The following KIF15 variants were observed in gnomAD, a reference collection of about 807,000 sequenced individuals.
KIF15 encodes the protein kinesin-like protein KIF15.
In KIF15, 140 loss-of-function variants were observed where a neutral mutation model predicts 190.6. The observed-to-expected ratio is 0.73, with a 90% confidence interval of 0.64 to 0.84. The LOEUF (loss-of-function observed/expected upper bound fraction) is 0.84. Ranked by LOEUF, KIF15 falls within the 40% of genes least tolerant of loss-of-function variation. The pLI is 0.00. For synonymous variants in KIF15, 528 were observed against 551.3 expected, an observed-to-expected ratio of 0.96 and a Z score of 0.59; for missense variants, 1,372 against 1,584.4, an observed-to-expected ratio of 0.87 and a Z score of 2.28.
intron 22 of KIF15, 189 bp from the exon 23 acceptor site, chr3:44,827,270 A>G: frequency 1.9e-6 from 1 of 539,672 alleles, no homozygotes; most frequent in Non-Finnish European, 3.4e-6. Flanking sequence ...TCATGGCACA[A>G]AAATGGGTTC....
chr3:44,799,389 C>T (rs1031562310), intron 10 of KIF15: 3 of 455,874 alleles, frequency 6.6e-6, no homozygotes, highest in East Asian at 1.4e-4. Flanking sequence ...ATTGGGCTTA[C>T]AGCGAGAATA....
intron 26 of KIF15, among the ~76,000 whole-genome samples, chr3:44,836,055 A>C (rs1698293045): frequency 6.6e-6 from 1 of 152,114 alleles, no homozygotes; most frequent in Non-Finnish European, 1.5e-5. Flanking sequence ...CTCTGAAAAA[A>C]CAAAAGGAGG....
At chr3:44,766,286 T>C (rs1279462259) in intron 1 of KIF15, among the ~76,000 whole-genome samples, 4 of 152,204 alleles carry the variant, frequency 2.6e-5, no homozygotes, top group African/African-American at 9.6e-5. Flanking sequence ...ATGGCAGTCT[T>C]GTCTCTGAGT....
At chr3:44,802,683 C>A in intron 13 of KIF15, 131 bp from the exon 14 acceptor site, 1 of 806,530 alleles carries the variant, frequency 1.2e-6, no homozygotes, top group Non-Finnish European at 1.9e-6. Flanking sequence ...AGTTGCTTTC[C>A]ATGGTGGTTG....
chr3:44,785,318 T>C (rs948888718), intron 6 of KIF15, among the ~76,000 whole-genome samples: 4 of 152,240 alleles, frequency 2.6e-5, no homozygotes, highest in African/African-American at 9.6e-5. Context: ...GTACCTAGGC[T>C]CACAGGTGAC....
At chr3:44,782,077 C>T (rs1384225107) in intron 5 of KIF15, among the ~76,000 whole-genome samples, 2 of 151,554 alleles carry the variant, frequency 1.3e-5, no homozygotes, top group African/African-American at 4.9e-5. Context: ...TGAGACGGAG[C>T]CTGCCCCTGT....
intron 6 of KIF15, chr3:44,864,402 T>C: frequency 6.2e-7 from 1 of 1,605,096 alleles, no homozygotes; most frequent in Admixed American, 1.7e-5. Context: ...GTGAGTTGTC[T>C]TTGGATAACC....
chr3:44,819,955 A>T (rs1396678802), intron 20 of KIF15, among the ~76,000 whole-genome samples: 1 of 152,080 alleles, frequency 6.6e-6, no homozygotes, highest in African/African-American at 2.4e-5. Context: ...TATATTTAGG[A>T]TAGTTAGCTC....
chr3:44,843,122 T>G lies in KIF15; in HGVS notation c.3586-3T>G, dbSNP rs1698682338. 1 of 1,604,394 alleles carries G rather than the reference T, an allele frequency of 6.2e-7. No individual in the cohort carries two copies. Among genetic ancestry groups the G allele is most frequent in the Non-Finnish European group, 8.5e-7 (1 of 1,173,814 alleles). ...TTGAAAAGATACGATTTGATGTTAT[T>G]AGGAGCAGTTGCGTGAAATGGAAAA... On this transcript the variant is annotated splice_region_variant and splice_polypyrimidine_tract_variant and intron_variant, in intron 29 of 34. Transcript: ENST00000326047.
intron 27 of KIF15, among the ~76,000 whole-genome samples, chr3:44,839,678 A>G (rs974916921): frequency 6.6e-6 from 1 of 152,108 alleles, no homozygotes; most frequent in African/African-American, 2.4e-5. Flanking sequence ...TTGCTGATTC[A>G]TGTCTCCTTC....
intron 6 of KIF15, among the ~76,000 whole-genome samples, chr3:44,860,869 A>G (rs1420432360): frequency 6.6e-6 from 1 of 152,238 alleles, no homozygotes; most frequent in East Asian, 1.9e-4. Context: ...ACTATATATA[A>G]CTAAATAGAC....
intron 7 of KIF15, among the ~76,000 whole-genome samples, chr3:44,789,466 A>C (rs1706567199): frequency 6.6e-6 from 1 of 151,606 alleles, no homozygotes; most frequent in South Asian, 2.1e-4. Context: ...TTTATGGATT[A>C]ATAACCTTTT....
chr3:44,814,992 G>A lies in KIF15; in HGVS notation c.2465G>A (p.Ser822Asn), dbSNP rs1331845011. The change falls in exon 20 of 35, where the codon AGT becomes AAT. Residue 822 changes from serine to asparagine, a missense_variant. Ser to Asn is a conservative substitution (Grantham distance 46, BLOSUM62 1). Coordinates refer to ENST00000326047, the MANE Select transcript of KIF15 (RefSeq NM_020242.3). ...CTTTCTTCAGTGAAATTGGAATATA[G>A]TTCATTCAAAACGAATCAGGAGAAA... Reference protein sequence around the residue: ...KELSSVKLEYSSFKTNQEKEF... With the variant: ...KELSSVKLEYNSFKTNQEKEF... 1.2e-6 allele frequency: 2 copies of A among 1,613,186 alleles called. No individual in the cohort carries two copies. The highest frequency in any genetic ancestry group is 1.7e-6 in the Non-Finnish European group (2 of 1,179,618).
chr3:44,778,504 CTCT>C (rs1706003078), intron 4 of KIF15, among the ~76,000 whole-genome samples: 1 of 152,140 alleles, frequency 6.6e-6, no homozygotes, highest in South Asian at 2.1e-4. Context: ...AACTCTTTGA[CTCT>C]TCTTCCTTAG....
At chr3:44,781,365 A>G (rs1454568624) in intron 5 of KIF15, among the ~76,000 whole-genome samples, 1 of 152,136 alleles carries the variant, frequency 6.6e-6, no homozygotes, top group Non-Finnish European at 1.5e-5. Context: ...TTTTAGTGTT[A>G]AGTTTCTGCG....
intron 1 of KIF15, among the ~76,000 whole-genome samples, chr3:44,768,654 A>G (rs775036282): frequency 3.3e-5 from 5 of 152,020 alleles, no homozygotes; most frequent in Non-Finnish European, 5.9e-5. Context: ...ATCATTCCCC[A>G]CTCTAAAGAA....
intron 14 of KIF15, 99 bp from the exon 15 acceptor site, chr3:44,804,928 A>T (rs1453967955): frequency 7.1e-6 from 9 of 1,263,836 alleles, no homozygotes; most frequent in Non-Finnish European, 9.8e-6. Flanking sequence ...CACTATGATC[A>T]TGCTTGTGAA....
Position 44,827,990 on chromosome 3 carries a change from G to A in KIF15, c.2857-224G>A, listed in dbSNP as rs189435520. Among the ~76,000 whole-genome samples, 159 of 152,078 alleles carry A rather than the reference G, an allele frequency of 1.0e-3. 2 individuals are homozygous for A. The Middle Eastern group carries it at 0.041, about 39-fold the overall frequency. On this transcript the variant is annotated intron_variant, in intron 23 of 34. Transcript: ENST00000326047. Reference sequence around the variant, plus strand: ...CACCGTGCCTGGCCTATTGTTTTTCGACTCTTGTTTTTCTAACTCCCAGAG... The same window carrying A: ...CACCGTGCCTGGCCTATTGTTTTTCAACTCTTGTTTTTCTAACTCCCAGAG...
In KIF15 at chr3:44,775,299, T is replaced by C; in HGVS notation, c.108T>C (p.Pro36=). The change falls in exon 3 of 35, where the codon CCT becomes CCC. Residue 36 remains proline, a synonymous_variant. Transcript: ENST00000326047. ...AIKVFVRIRP[P]AERSGSADGE... ...AAGTTTTTGTGCGAATTCGTCCTCCTGCAGAAAGATCTGGGTCAGCTGATG... is the reference window on the plus strand; with the variant it reads ...AAGTTTTTGTGCGAATTCGTCCTCCCGCAGAAAGATCTGGGTCAGCTGATG... 1 of 1,614,074 alleles carries C rather than the reference T, an allele frequency of 6.2e-7. No homozygotes were observed. The highest frequency in any genetic ancestry group is 8.5e-7 in the Non-Finnish European group (1 of 1,179,978).
Sources: gnomAD v4.1 joint callset for allele counts (sites outside exome capture counted in the v4.1 genomes callset) on GRCh38, gnomAD v4.1.1 for gene constraint, MANE v1.5 for transcripts, NCBI Gene and HGNC (gene_info 2026-07-23, HGNC 2026-07-21) for gene names.